The following POPDC3 variants were observed in gnomAD, a reference collection of about 807,000 sequenced individuals.
POPDC3 encodes popeye domain cAMP effector 3, also known as popeye domain-containing protein 3.
Under a neutral mutation model 28.2 loss-of-function variants are expected in POPDC3, and 20 were observed. That is an observed-to-expected ratio of 0.71 (90% CI 0.50 to 1.03). The LOEUF (loss-of-function observed/expected upper bound fraction) is 1.03, where lower values mean the gene tolerates loss of function less well. POPDC3 is among the 50% of genes least tolerant of loss of function. The probability of loss-of-function intolerance (pLI) is 0.00; values close to 1 mark genes in which losing one functional copy is unlikely to be tolerated. For missense variants in POPDC3, 316 were observed against 345.9 expected (o/e 0.91, Z 0.69); for synonymous variants, 118 against 124.1 (o/e 0.95, Z 0.33).
chr6:105,174,248 A>G (rs1047397814), intron 1 of POPDC3, among the ~76,000 whole-genome samples: 17 of 152,190 alleles, frequency 1.1e-4, no homozygotes, highest in African/African-American at 3.4e-4. Context: ...AATGTTGGCC[A>G]GGCTGGTCTT....
At chr6:105,171,573 A>C (rs1184249494) in intron 1 of POPDC3, among the ~76,000 whole-genome samples, 2 of 152,038 alleles carry the variant, frequency 1.3e-5, no homozygotes, top group African/African-American at 4.8e-5. Context: ...CAGGAGGCTG[A>C]GGCAGGAGAA....
chr6:105,166,703 G>A (rs774442360), intron 1 of POPDC3: 7 of 468,938 alleles, frequency 1.5e-5, no homozygotes, highest in South Asian at 9.4e-5. Context: ...AGTGCACCTT[G>A]TAAGCTGAGT....
chr6:105,161,571 G>A lies in POPDC3; in HGVS notation c.339C>T (p.Ser113=), dbSNP rs1774330634. 6.2e-7 allele frequency: 1 copy of A among 1,614,188 alleles called. No individual in the cohort carries two copies. Among genetic ancestry groups the A allele is most frequent in the South Asian group, 1.1e-5 (1 of 91,084 alleles). The change falls in exon 2 of 4, where the codon AGC becomes AGT. Residue 113 remains serine, a synonymous_variant. Coordinates refer to ENST00000254765, the MANE Select transcript of POPDC3 (RefSeq NM_022361.5). ...AGATCCCCAGGGGCTGGAAAAGGGAGCTGTACAACACTTGGAATTCTCGGG... is the reference window on the plus strand; with the variant it reads ...AGATCCCCAGGGGCTGGAAAAGGGAACTGTACAACACTTGGAATTCTCGGG... ...TFAREFQVLY[S]SLFQPLGISL...
Position 105,162,136 on chromosome 6 carries a change from C to T in POPDC3, c.-227G>A, listed in dbSNP as rs1774350299. The T allele has an allele frequency of 1.3e-5, 17 of 1,271,340 alleles. No individual in the cohort carries two copies. Among genetic ancestry groups the T allele is most frequent in the Non-Finnish European group, 1.7e-5 (17 of 1,012,476 alleles). The allele number at this position is 1,271,340 out of a possible 1,614,324, so 78.8% of individuals were successfully genotyped here. A position where few individuals can be genotyped will look rare whatever the true frequency, so the allele number is the denominator to read the frequency against. ...TTCATCTGGGCTCCTGATTTGGATC[C>T]AGTCTGCAAATATTTTGGTATTTCC... On this transcript the variant is annotated 5_prime_UTR_variant, in exon 2 of 4. Coordinates refer to ENST00000254765, the MANE Select transcript of POPDC3 (RefSeq NM_022361.5).
Position 105,161,383 on chromosome 6 carries a change from C to T in POPDC3, c.485+42G>A, listed in dbSNP as rs1582989072. On this transcript the variant is annotated intron_variant, in intron 2 of 3. Transcript: ENST00000254765. ...ATATAGTGGAAAGAAACACAAACAA[C>T]TAATACTTGAGGAAAGACATGCAAG... The T allele has an allele frequency of 4.4e-6, 7 of 1,576,472 alleles. No individual in the cohort carries two copies. In the East Asian group the frequency reaches 1.6e-4, roughly 35 times the overall value.
intron 1 of POPDC3, among the ~76,000 whole-genome samples, chr6:105,172,594 T>A (rs947948135): frequency 6.6e-6 from 1 of 150,838 alleles, no homozygotes; most frequent in Non-Finnish European, 1.5e-5. Flanking sequence ...CACATATGTT[T>A]ATTGCGTCAC....
At position 105,161,835 on chromosome 6, in the gene POPDC3, G is replaced by A. The variant is rs150202904; in HGVS notation, c.75C>T (p.Ala25=). The change falls in exon 2 of 4, where the codon GCC becomes GCT. Residue 25 remains alanine (A), a synonymous_variant. Transcript: ENST00000254765. The part of the protein sequence containing the change: ...HPVCTTWKQE[A]EGAIYHLASI... Reference sequence around the variant, plus strand: ...TGGCAAGATGATAAATGGCTCCTTCGGCCTCTTGCTTCCAGGTTGTGCAGA... The same window carrying A: ...TGGCAAGATGATAAATGGCTCCTTCAGCCTCTTGCTTCCAGGTTGTGCAGA... The A allele has an allele frequency of 8.5e-5, 137 of 1,614,078 alleles. No individual in the cohort carries two copies. In the African/African-American group the frequency reaches 1.1e-3, roughly 13 times the overall value.
intron 2 of POPDC3, among the ~76,000 whole-genome samples, chr6:105,160,616 A>G (rs1418797270): frequency 1.3e-5 from 2 of 152,088 alleles, no homozygotes; most frequent in Non-Finnish European, 2.9e-5. Flanking sequence ...TTTTTGAGAT[A>G]GAGTCTCGTT....
intron 1 of POPDC3, among the ~76,000 whole-genome samples, chr6:105,168,385 A>G (rs1364565932): frequency 6.6e-6 from 1 of 152,242 alleles, no homozygotes; most frequent in Non-Finnish European, 1.5e-5. Flanking sequence ...AGGCTGGAGC[A>G]TGCTTTTGAT....
Position 105,161,632 on chromosome 6 carries a change from A to C in POPDC3, c.278T>G (p.Val93Gly). ...VLFVICFMQF[V>G]HIAYQVRSIT... ...GCTGCGAACTTGATATGCAATATGA[A>C]CAAATTGCATGAAGCAGATGACAAA... The change falls in exon 2 of 4, where the codon GTT becomes GGT. Residue 93 changes from valine to glycine, a missense_variant. By Grantham distance (109) the Val-to-Gly change is moderately radical (BLOSUM62 -3). Transcript: ENST00000254765. 1 of 1,614,178 alleles carries C rather than the reference A, an allele frequency of 6.2e-7. No homozygotes were observed. The highest frequency in any genetic ancestry group is 8.5e-7 in the Non-Finnish European group (1 of 1,179,990).
At chr6:105,178,901 T>C in intron 1 of POPDC3, 1 of 985,366 alleles carries the variant, frequency 1.0e-6, no homozygotes, top group Non-Finnish European at 1.2e-6. Context: ...AAAACTCAAT[T>C]GCAGTTTGTA....
Position 105,179,979 on chromosome 6 carries a change from G to C in POPDC3, c.-398C>G, listed in dbSNP as rs916471107. On this transcript the variant is annotated 5_prime_UTR_variant, in exon 1 of 4. Coordinates refer to ENST00000254765, the MANE Select transcript of POPDC3 (RefSeq NM_022361.5). ...CGCCCACCCTGCGGCGCCGGGCGCA[G>C]CGTGACCGCAGCGGGCTCCGGAGCG... 3 of 147,832 alleles carry C rather than the reference G, an allele frequency of 2.0e-5. No individual in the cohort carries two copies. Among genetic ancestry groups the C allele is most frequent in the Non-Finnish European group, 4.5e-5 (3 of 66,648 alleles). 9.2% of individuals were successfully genotyped at this position (147,832 alleles called of 1,614,324 possible).
Position 105,179,818 on chromosome 6 carries a change from G to A in POPDC3, c.-252+15C>T, listed in dbSNP as rs537341822. ...GAAGGCGGCGGACGCAGCGCCCCCG[G>A]GCTCACCTTCTTACCTTTCCTTCCC... is the stretch of plus-strand genomic sequence containing the variant. On this transcript the variant is annotated intron_variant, in intron 1 of 3. Transcript: ENST00000254765. 1.3e-5 allele frequency: 2 copies of A among 152,316 alleles called. No homozygotes were observed. The highest frequency in any genetic ancestry group is 2.1e-4 in the South Asian group (1 of 4,834). 9.4% of individuals were successfully genotyped at this position (152,316 alleles called of 1,614,324 possible).
At position 105,159,629 on chromosome 6, in the gene POPDC3, T is replaced by G. The variant is rs531035320; in HGVS notation, c.594+82A>C. The G allele has an allele frequency of 7.8e-6, 6 of 771,442 alleles. No homozygotes were observed. In the East Asian group the frequency reaches 1.6e-4, roughly 21 times the overall value. 47.8% of individuals were successfully genotyped at this position (771,442 alleles called of 1,614,324 possible). A position where few individuals can be genotyped will look rare whatever the true frequency, so the allele number is the denominator to read the frequency against. ...CTTAAAATATTCTTGTCTTATCCAC[T>G]GTTGTTTATTTGTTTACTTATTTTT... On this transcript the variant is annotated intron_variant, in intron 3 of 3. Coordinates refer to ENST00000254765, the MANE Select transcript of POPDC3 (RefSeq NM_022361.5).
chr6:105,163,529 T>A (rs1774395248), intron 1 of POPDC3: 1 of 152,240 alleles, frequency 6.6e-6, no homozygotes, highest in South Asian at 2.1e-4. Flanking sequence ...TATTTAGTGT[T>A]TTATTTTTGA....
intron 1 of POPDC3, among the ~76,000 whole-genome samples, chr6:105,179,433 A>G (rs1774740882): frequency 6.6e-6 from 1 of 151,950 alleles, no homozygotes; most frequent in African/African-American, 2.4e-5. Context: ...CCCTTGCAAA[A>G]CTGGCCTGTT....
At chr6:105,164,080 C>G (rs1774407278) in intron 1 of POPDC3, among the ~76,000 whole-genome samples, 1 of 152,216 alleles carries the variant, frequency 6.6e-6, no homozygotes, top group Non-Finnish European at 1.5e-5. Context: ...GTCAGTCTCC[C>G]TGCTGTTTCA....
At chr6:105,163,766 G>T (rs1774400576) in intron 1 of POPDC3, 1 of 151,634 alleles carries the variant, frequency 6.6e-6, no homozygotes, top group South Asian at 2.1e-4. Flanking sequence ...CAAGAACACT[G>T]CCAGGTGAAT....
In POPDC3 at chr6:105,161,649, G is replaced by C. The variant is rs372973373; in HGVS notation, c.261C>G (p.Ile87Met). The part of the protein sequence containing the change: ...IFSWNFVLFV[I>M]CFMQFVHIAY... ...CAATATGAACAAATTGCATGAAGCA[G>C]ATGACAAACAGTACAAAATTCCAGG... The change falls in exon 2 of 4, where the codon ATC (isoleucine) becomes ATG (methionine). Residue 87 changes from isoleucine (I) to methionine (M), a missense_variant. Physicochemically the swap from Ile to Met is conservative, Grantham distance 10. Transcript: ENST00000254765. 2 of 1,614,162 alleles carry C rather than the reference G, an allele frequency of 1.2e-6. No individual in the cohort carries two copies. Among genetic ancestry groups the C allele is most frequent in the East Asian group, 4.5e-5 (2 of 44,882 alleles).
Sources: allele counts gnomAD v4.1 joint callset (sites outside exome capture counted in the v4.1 genomes callset), GRCh38; gene constraint gnomAD v4.1.1; transcripts MANE v1.5; gene names NCBI Gene and HGNC (gene_info 2026-07-23, HGNC 2026-07-21).